The following ONECUT1 variants were observed in gnomAD, a reference collection of about 807,000 sequenced individuals.
ONECUT1 encodes the protein hepatocyte nuclear factor 6.
A neutral mutation model predicts 25.6 loss-of-function variants in ONECUT1; 12 were observed. The observed-to-expected ratio is 0.47, with a 90% CI of 0.30 to 0.76. The LOEUF (loss-of-function observed/expected upper bound fraction) is 0.76. Ranked by LOEUF, ONECUT1 falls within the 30% of genes least tolerant of loss-of-function variation. The probability of loss-of-function intolerance (pLI) is 0.07; values close to 1 mark genes in which losing one functional copy is unlikely to be tolerated. For missense variants in ONECUT1, 620 were observed against 651.2 expected (o/e 0.95, Z 0.52); for synonymous variants, 285 against 270.2 (o/e 1.05, Z -0.54).
rs1489797633 is a variant in ONECUT1 at position 52,789,801 on chromosome 15, C to A, written c.84G>T (p.Leu28=). ...AGCTGCGCGCGTGGGGGCTGCCGCC[C>A]AGCAGGTCGGCAGGGGCGGGCACCG... The part of the protein sequence containing the change: ...HEPVPAPADL[L]GGSPHARSSV... Residue 28 remains leucine, a synonymous_variant, in exon 1 of 2, where the codon CTG becomes CTT. Transcript: ENST00000305901. The surrounding 1 kb of genome is among the most constrained non-coding windows in gnomAD (Gnocchi z 4.1). 7 of 1,493,714 alleles carry A rather than the reference C, an allele frequency of 4.7e-6. 1 individual carries two copies. In the Middle Eastern group the frequency reaches 9.4e-4, roughly 201 times the overall value. 92.5% of individuals were successfully genotyped at this position (1,493,714 alleles called of 1,614,324 possible).
At position 52,777,735 on chromosome 15, in the gene ONECUT1, CACAA is replaced by C. The variant is rs1217730779; in HGVS notation, c.1105+11041_1105+11044del. ...ACACACACACACACACACACACACACACAAAAAAACATGTAAAGTTATTTGTTCT... is the reference window on the plus strand; with the variant it reads ...ACACACACACACACACACACACACACAAAAACATGTAAAGTTATTTGTTCT... On this transcript the variant is annotated intron_variant, in intron 1 of 1. Coordinates refer to ENST00000305901, the MANE Select transcript of ONECUT1 (RefSeq NM_004498.4). Among the ~76,000 whole-genome samples, 52 of 90,928 alleles carry C rather than the reference CACAA, an allele frequency of 5.7e-4. 2 individuals are homozygous for C. The highest frequency in any genetic ancestry group is 1.2e-3 in the East Asian group (3 of 2,578). The allele number at this position is 90,928 out of a possible 152,430, so 59.7% of individuals were successfully genotyped here.
At chr15:52,759,996 C>A (rs2083696558) in intron 1 of ONECUT1, among the ~76,000 whole-genome samples, 1 of 152,136 alleles carries the variant, frequency 6.6e-6, no homozygotes, top group South Asian at 2.1e-4. Flanking sequence ...AGTGTATTCA[C>A]CCTACTTACG....
chr15:52,759,646 C>T (rs2083693927), intron 1 of ONECUT1, among the ~76,000 whole-genome samples: 1 of 152,206 alleles, frequency 6.6e-6, no homozygotes, highest in African/African-American at 2.4e-5. Context: ...GTTGCCCAGG[C>T]TGGATACAGT....
At position 52,757,803 on chromosome 15, in the gene ONECUT1, T is replaced by C. The variant is rs60181666; in HGVS notation, c.1150A>G (p.Thr384Ala). The C allele has an allele frequency of 6.2e-7, 1 of 1,614,178 alleles. No homozygotes were observed. Among genetic ancestry groups the C allele is most frequent in the East Asian group, 2.2e-5 (1 of 44,892 alleles). Residue 384 changes from threonine (T) to alanine (A), a missense_variant, in exon 2 of 2, where the codon ACA (threonine) becomes GCA (alanine). Around this residue, in one of 4 missense-constraint regions of ONECUT1, gnomAD observed 146 missense variants for 201.8 expected, o/e 0.72. Transcript: ENST00000305901. Reference protein sequence around the residue: ...EQEHGKDRGNTPKKPRLVFTD... With the variant: ...EQEHGKDRGNAPKKPRLVFTD... ...AAGACCAACCTGGGCTTTTTGGGTG[T>C]GTTGCCTCTATCCTTCCCATGTTCT...
chr15:52,778,942 T>C (rs1398704253), intron 1 of ONECUT1, among the ~76,000 whole-genome samples: 1 of 151,844 alleles, frequency 6.6e-6, no homozygotes, highest in Non-Finnish European at 1.5e-5. Flanking sequence ...AAGAGCTAAT[T>C]ACTACAGAAA....
chr15:52,772,125 T>G (rs2083771708), intron 1 of ONECUT1, among the ~76,000 whole-genome samples: 1 of 152,178 alleles, frequency 6.6e-6, no homozygotes, highest in Non-Finnish European at 1.5e-5. Flanking sequence ...CCGGGTGCGG[T>G]GGCTCACGCC....
At chr15:52,771,129 A>G (rs1361048169) in intron 1 of ONECUT1, among the ~76,000 whole-genome samples, 2 of 152,136 alleles carry the variant, frequency 1.3e-5, no homozygotes, top group Admixed American at 6.5e-5. Context: ...ACACATATTC[A>G]TCATAGATCC....
chr15:52,772,617 T>C (rs1009753643), intron 1 of ONECUT1, among the ~76,000 whole-genome samples: 4 of 152,164 alleles, frequency 2.6e-5, no homozygotes, highest in African/African-American at 9.7e-5. Context: ...GAGGGAGCTG[T>C]GGGACTGAAG....
At chr15:52,774,186 GCTGTGGGTGA>G (rs2083785297) in intron 1 of ONECUT1, among the ~76,000 whole-genome samples, 1 of 151,372 alleles carries the variant, frequency 6.6e-6, no homozygotes, top group African/African-American at 2.4e-5. Context: ...TGTGTGGGGT[GCTGTGGGTGA>G]TTCTTTTATT....
At position 52,757,595 on chromosome 15, in the gene ONECUT1, C is replaced by T. The variant is rs752995430; in HGVS notation, c.1358G>A (p.Gly453Asp). ...AGTGCTTGATGAAGAAGATGAGTTGCCTGAATTGGAGCTGCCCTCGTCCTG... is the reference window on the plus strand; with the variant it reads ...AGTGCTTGATGAAGAAGATGAGTTGTCTGAATTGGAGCTGCCCTCGTCCTG... ...KWQDEGSSNS[G>D]NSSSSSSTCT... is the part of the protein sequence containing the mutation. Residue 453 changes from glycine (G) to aspartate (D), a missense_variant, in exon 2 of 2, where the codon GGC becomes GAC. Coordinates refer to ENST00000305901, the MANE Select transcript of ONECUT1 (RefSeq NM_004498.4). 3 of 1,613,978 alleles carry T rather than the reference C, an allele frequency of 1.9e-6. No individual in the cohort carries two copies. Among genetic ancestry groups the T allele is most frequent in the East Asian group, 4.5e-5 (2 of 44,874 alleles).
intron 1 of ONECUT1, among the ~76,000 whole-genome samples, chr15:52,762,894 A>G (rs959746642): frequency 6.6e-6 from 1 of 152,266 alleles, no homozygotes; most frequent in South Asian, 2.1e-4. Flanking sequence ...CACGGAATTG[A>G]TTTCAGAGTA....
chr15:52,780,873 A>G (rs2083836595), intron 1 of ONECUT1: 1 of 1,349,394 alleles, frequency 7.4e-7, no homozygotes, highest in Non-Finnish European at 9.5e-7. Flanking sequence ...GAAACCGTCG[A>G]TTCTGAATAT....
intron 1 of ONECUT1, chr15:52,787,654 G>A (rs2083885516): frequency 2.1e-5 from 3 of 144,852 alleles, no homozygotes; most frequent in Non-Finnish European, 3.1e-5. Flanking sequence ...TGGGGGGGGA[G>A]GGGGCATGGA....
At chr15:52,765,508 A>G (rs1443845284) in intron 1 of ONECUT1, among the ~76,000 whole-genome samples, 1 of 152,222 alleles carries the variant, frequency 6.6e-6, no homozygotes, top group African/African-American at 2.4e-5. Context: ...CTGTTTTTCA[A>G]AGTAAACTCT....
intron 1 of ONECUT1, among the ~76,000 whole-genome samples, chr15:52,773,906 CCTCT>C (rs569400473): frequency 5.5e-4 from 83 of 152,132 alleles, no homozygotes; most frequent in African/African-American, 1.9e-3. Flanking sequence ...TTGCAAATAT[CCTCT>C]CTCTCTATCT....
intron 1 of ONECUT1, among the ~76,000 whole-genome samples, chr15:52,775,572 G>A (rs2083794654): frequency 1.3e-5 from 2 of 151,884 alleles, no homozygotes; most frequent in Admixed American, 1.3e-4. Context: ...GGGGGACTTG[G>A]GGACTTAGGG....
In ONECUT1 at chr15:52,790,143, T is replaced by A. The variant is rs985224715; in HGVS notation, c.-259A>T. The A allele has an allele frequency of 3.5e-5, 15 of 429,326 alleles. No homozygotes were observed. The Admixed American group carries it at 3.7e-4, about 11-fold the overall frequency. 26.6% of individuals were successfully genotyped at this position (429,326 alleles called of 1,614,324 possible). ...TCTGCGTCCTCGGCTTTTTTTTTTT[T>A]AATATTAATTTCCAAAGAGGATCCG... On this transcript the variant is annotated 5_prime_UTR_variant, in exon 1 of 2. Transcript: ENST00000305901.
intron 1 of ONECUT1, among the ~76,000 whole-genome samples, chr15:52,774,288 G>GTTAGTTAGTTATTTATTTATTTAT (rs1555415875): frequency 1.3e-5 from 2 of 150,004 alleles, no homozygotes; most frequent in African/African-American, 4.9e-5. Context: ...AAGAAATGAA[G>GTTAGTTAGTTATTTATTTATTTAT]TTATTTATTT....
At chr15:52,778,995 CTTTTTTT>C (rs547428108) in intron 1 of ONECUT1, among the ~76,000 whole-genome samples, 1 of 141,148 alleles carries the variant, frequency 7.1e-6, no homozygotes, top group South Asian at 2.3e-4. Flanking sequence ...AGAGGGTTTT[CTTTTTTT>C]TTTTTTTGTA....
Sources: gnomAD v4.1 joint callset for allele counts (sites outside exome capture counted in the v4.1 genomes callset) on GRCh38, gnomAD v4.1.1 for gene constraint, gnomAD v4.1.1 regional missense constraint, Gnocchi (gnomAD v3.1) non-coding constraint, MANE v1.5 for transcripts, NCBI Gene and HGNC (gene_info 2026-07-23, HGNC 2026-07-21) for gene names.